ALK: variants seen among roughly 807,000 people sequenced by gnomAD.
ALK encodes ALK tyrosine kinase receptor.
Under a neutral mutation model 163.1 loss-of-function variants are expected in ALK, and 74 were observed. The ratio of observed to expected loss-of-function variants is 0.45; its 90% CI spans 0.38 to 0.55. The LOEUF (loss-of-function observed/expected upper bound fraction) is 0.55, where lower values mean the gene tolerates loss of function less well. Ranked by LOEUF, ALK falls within the 20% of genes least tolerant of loss-of-function variation. The pLI, the probability that ALK is intolerant of heterozygous loss-of-function variation, is 0.00. For synonymous variants in ALK, 960 were observed against 843.2 expected (o/e 1.14, Z -2.40); for missense variants, 2,063 against 2,105.3 (o/e 0.98, Z 0.39).
chr2:29,912,430 G>C (rs971839317), intron 1 of ALK, among the ~76,000 whole-genome samples: 1 of 152,036 alleles, frequency 6.6e-6, no homozygotes, highest in Non-Finnish European at 1.5e-5. Context: ...GTTAAAGTGT[G>C]GAAAGAAAGG....
rs563702321 is a variant in ALK at position 29,789,393 on chromosome 2, C to T, written c.668-71696G>A. ...ATTCTATCCGGAATGGCTGAATCAGCCAACCAACCAATTTGACTGATTCTG... is the reference window on the plus strand; with the variant it reads ...ATTCTATCCGGAATGGCTGAATCAGTCAACCAACCAATTTGACTGATTCTG... On this transcript the variant is annotated intron_variant, in intron 1 of 28. Coordinates refer to ENST00000389048, the MANE Select transcript of ALK (RefSeq NM_004304.5). Among the ~76,000 whole-genome samples the T allele has an allele frequency of 2.6e-5, 4 of 152,266 alleles. No individual in the cohort carries two copies. The East Asian group carries it at 7.7e-4, about 29-fold the overall frequency.
In ALK at chr2:29,320,886, T is replaced by C. The variant is rs769450437; in HGVS notation, c.1415-4A>G. ...TAAAAACCCACAGGCAGTTTCCCTA[T>C]GGAGAGAGCAGAGAGGCACCATCAT... On this transcript the variant is annotated splice_region_variant and splice_polypyrimidine_tract_variant and intron_variant, in intron 6 of 28. Transcript: ENST00000389048. 14 of 1,614,020 alleles carry C rather than the reference T, an allele frequency of 8.7e-6. No homozygotes were observed. In the African/African-American group the frequency reaches 1.3e-4, roughly 15 times the overall value.
At chr2:29,729,911 TG>T (rs542531941) in intron 1 of ALK, among the ~76,000 whole-genome samples, 161 of 152,360 alleles carry the variant, frequency 1.1e-3, no homozygotes, top group African/African-American at 3.8e-3. Flanking sequence ...TATTGCATAT[TG>T]GTTTGTGACT....
rs894095695 is a variant in ALK, at chr2:29,319,845, G to C, written c.1546+906C>G. ...TAAGAAGGATGCTGCTGCACAGTGGGGACTGAGCCAACTCACTGTTCAACA... is the reference window on the plus strand; with the variant it reads ...TAAGAAGGATGCTGCTGCACAGTGGCGACTGAGCCAACTCACTGTTCAACA... On this transcript the variant is annotated intron_variant, in intron 7 of 28. Transcript: ENST00000389048. Among the ~76,000 whole-genome samples, 8 of 152,238 alleles carry C rather than the reference G, an allele frequency of 5.3e-5. No individual in the cohort carries two copies. In the East Asian group the frequency reaches 1.5e-3, roughly 29 times the overall value.
At chr2:29,727,939 A>G (rs755664405) in intron 1 of ALK, among the ~76,000 whole-genome samples, 10 of 152,198 alleles carry the variant, frequency 6.6e-5, no homozygotes, top group Non-Finnish European at 1.2e-4. Flanking sequence ...CACAGGAAGG[A>G]AAGATGCTTC....
chr2:29,342,817 C>T (rs947486007), intron 5 of ALK, among the ~76,000 whole-genome samples: 1 of 150,372 alleles, frequency 6.7e-6, no homozygotes, highest in Non-Finnish European at 1.5e-5. Context: ...GCTGGAACTA[C>T]AGTGCCCTGG....
intron 4 of ALK, among the ~76,000 whole-genome samples, chr2:29,408,665 G>A (rs548355501): frequency 2.8e-4 from 42 of 152,330 alleles, no homozygotes; most frequent in African/African-American, 9.9e-4. Context: ...TCCATGATAT[G>A]CGCTGATGAT....
chr2:29,579,239 T>C (rs918892256), intron 3 of ALK, among the ~76,000 whole-genome samples: 5 of 152,238 alleles, frequency 3.3e-5, no homozygotes, highest in Admixed American at 3.3e-4. Flanking sequence ...TTGACTTGCC[T>C]CACCTATGGA....
chr2:29,752,473 C>T (rs1354353144), intron 1 of ALK, among the ~76,000 whole-genome samples: 1 of 151,210 alleles, frequency 6.6e-6, no homozygotes, highest in Admixed American at 6.6e-5. Context: ...CCTCAGCCTC[C>T]TGTGTAGCTG....
At chr2:29,652,538 T>C (rs1677064580) in intron 3 of ALK, among the ~76,000 whole-genome samples, 1 of 152,174 alleles carries the variant, frequency 6.6e-6, no homozygotes, top group Admixed American at 6.5e-5. Context: ...TGCTAATGAT[T>C]GACTGATGAC....
intron 1 of ALK, among the ~76,000 whole-genome samples, chr2:29,754,311 C>G (rs535498245): frequency 7.9e-5 from 12 of 152,150 alleles, no homozygotes; most frequent in Non-Finnish European, 1.8e-4. Context: ...TTCTCCCTGC[C>G]TGCATCTCCC....
chr2:29,376,398 T>C (rs1298349588), intron 5 of ALK, among the ~76,000 whole-genome samples: 1 of 152,236 alleles, frequency 6.6e-6, no homozygotes, highest in Non-Finnish European at 1.5e-5. Context: ...GGGTGCAAAT[T>C]AAATATAACT....
At chr2:29,705,079 G>A (rs1294989224) in intron 2 of ALK, among the ~76,000 whole-genome samples, 5 of 150,754 alleles carry the variant, frequency 3.3e-5, no homozygotes, top group South Asian at 2.1e-4. Flanking sequence ...TTAGCCAAGC[G>A]TGGTGGCTGG....
Position 29,565,155 on chromosome 2 carries a change from C to T in ALK, c.953-33039G>A, listed in dbSNP as rs192200128. 1.9e-3 allele frequency among the ~76,000 whole-genome samples: 287 copies of T among 152,296 alleles called. 2 individuals are homozygous for T. Among genetic ancestry groups the T allele is most frequent in the African/African-American group, 6.5e-3 (270 of 41,560 alleles). On this transcript the variant is annotated intron_variant, in intron 3 of 28. Transcript: ENST00000389048. The stretch of plus-strand genomic sequence containing the variant: ...CCTTTGGGGTCATGAAGTGACATTG[C>T]CCTCTGTGGCAGAAGATTTACTATA...
intron 9 of ALK, among the ~76,000 whole-genome samples, chr2:29,290,846 A>G (rs1359261121): frequency 6.6e-6 from 1 of 152,148 alleles, no homozygotes; most frequent in Admixed American, 6.5e-5. Flanking sequence ...GAGAGGGGAC[A>G]CAATGGCCTG....
chr2:29,222,808 AG>A (rs1425536832), intron 20 of ALK, among the ~76,000 whole-genome samples: 1 of 152,224 alleles, frequency 6.6e-6, no homozygotes, highest in Non-Finnish European at 1.5e-5. Flanking sequence ...ACTGGTAAGA[AG>A]GATTCCAACC....
chr2:29,222,605 C>A lies in ALK; in HGVS notation c.3362G>T (p.Gly1121Val), dbSNP rs55760835. The A allele has an allele frequency of 1.2e-6, 2 of 1,613,440 alleles. No homozygotes were observed. The highest frequency in any genetic ancestry group is 1.7e-5 in the Admixed American group (1 of 59,946). The change falls in exon 21 of 29, where the codon GGT becomes GTT. Residue 1121 changes from glycine (G) to valine (V), a missense_variant and splice_region_variant. Around this residue, in one of 5 missense-constraint regions of ALK, gnomAD observed 575 missense variants for 626.6 expected, o/e 0.92. Transcript: ENST00000389048. ...CTCCCCAAAGGCGCCATGGCCCAGA[C>A]CCCTGTGCAAAGGAGAAGACAAGAG... ...VPRKNITLIR[G>V]LGHGAFGEVY...
intron 5 of ALK, among the ~76,000 whole-genome samples, chr2:29,358,523 T>C (rs1668308385): frequency 6.6e-6 from 1 of 152,214 alleles, no homozygotes; most frequent in South Asian, 2.1e-4. Flanking sequence ...TTTCCCAGCA[T>C]GTGGCCCCCA....
intron 23 of ALK, among the ~76,000 whole-genome samples, chr2:29,215,896 G>T (rs977442608): frequency 1.8e-4 from 27 of 152,196 alleles, no homozygotes; most frequent in African/African-American, 6.5e-4. Flanking sequence ...GCGTGGGACT[G>T]TCGGTCTCCC....
Sources: allele counts gnomAD v4.1 joint callset (sites outside exome capture counted in the v4.1 genomes callset), GRCh38; gene constraint gnomAD v4.1.1; regional missense constraint gnomAD v4.1.1; transcripts MANE v1.5; gene names NCBI Gene and HGNC (gene_info 2026-07-23, HGNC 2026-07-21).